The following C1QTNF7 variants were observed in gnomAD, a reference collection of about 807,000 sequenced individuals.
C1QTNF7 encodes C1q and TNF related 7, also known as complement C1q tumor necrosis factor-related protein 7.
A neutral mutation model predicts 19.6 loss-of-function variants in C1QTNF7; 15 were observed. The observed-to-expected ratio is 0.76, with a 90% CI of 0.51 to 1.18. C1QTNF7 has a LOEUF of 1.18. C1QTNF7 is among the 50% of genes most tolerant of loss of function. The pLI is 0.00. For synonymous variants in C1QTNF7, 142 were observed against 137.5 expected, an observed-to-expected ratio of 1.03 and a Z score of -0.23; for missense variants, 324 against 359.7, an observed-to-expected ratio of 0.90 and a Z score of 0.80.
intron 1 of C1QTNF7, among the ~76,000 whole-genome samples, chr4:15,394,610 T>G (rs1218182957): frequency 6.6e-6 from 1 of 152,352 alleles, no homozygotes; most frequent in African/African-American, 2.4e-5. Flanking sequence ...GATCTGTGTG[T>G]GGGGACTCCC....
At chr4:15,402,636 GATAA>G (rs1244666017) in intron 1 of C1QTNF7, among the ~76,000 whole-genome samples, 1 of 152,116 alleles carries the variant, frequency 6.6e-6, no homozygotes, top group Non-Finnish European at 1.5e-5. Context: ...CATGGCAGAA[GATAA>G]ATAAATATTG....
At chr4:15,405,941 A>C (rs569113638) in intron 1 of C1QTNF7, among the ~76,000 whole-genome samples, 7 of 152,074 alleles carry the variant, frequency 4.6e-5, no homozygotes, top group Non-Finnish European at 1.0e-4. Flanking sequence ...CTGTAGGAAG[A>C]GCTTGTCCCC....
intron 1 of C1QTNF7, among the ~76,000 whole-genome samples, chr4:15,389,307 T>C (rs1390703001): frequency 6.6e-6 from 1 of 152,174 alleles, no homozygotes; most frequent in Non-Finnish European, 1.5e-5. Context: ...AGGCAGGGCA[T>C]GCTGGTGAGG....
intron 1 of C1QTNF7, among the ~76,000 whole-genome samples, chr4:15,367,561 C>G (rs1717572678): frequency 6.6e-6 from 1 of 152,158 alleles, no homozygotes; most frequent in Non-Finnish European, 1.5e-5. Flanking sequence ...TCAGAGGGAC[C>G]AGGCTGATCC....
At chr4:15,377,721 A>G (rs1003916166) in intron 1 of C1QTNF7, among the ~76,000 whole-genome samples, 2 of 152,056 alleles carry the variant, frequency 1.3e-5, no homozygotes, top group African/African-American at 4.8e-5. Flanking sequence ...ACTGAAAATC[A>G]TTTCTTGTGA....
At chr4:15,374,853 TTCTC>T (rs201913423) in intron 1 of C1QTNF7, 41 of 580,410 alleles carry the variant, frequency 7.1e-5, no homozygotes, top group Non-Finnish European at 8.2e-5. Context: ...ATGTTGGTGT[TTCTC>T]TCTCTCTCTC....
chr4:15,439,610 C>T (rs1160598187), intron 2 of C1QTNF7, among the ~76,000 whole-genome samples: 2 of 152,146 alleles, frequency 1.3e-5, no homozygotes, highest in African/African-American at 4.8e-5. Context: ...AGAAATGACT[C>T]GCCCAAAATT....
chr4:15,396,099 A>C (rs370196023), intron 1 of C1QTNF7, among the ~76,000 whole-genome samples: 2 of 152,196 alleles, frequency 1.3e-5, no homozygotes, highest in African/African-American at 2.4e-5. Context: ...AAGTAAGTGG[A>C]TGTGGCTGAG....
intron 1 of C1QTNF7, among the ~76,000 whole-genome samples, chr4:15,352,689 A>G (rs1716979520): frequency 6.6e-6 from 1 of 152,210 alleles, no homozygotes; most frequent in African/African-American, 2.4e-5. Flanking sequence ...GACATGAATC[A>G]GAGAGTGCAG....
chr4:15,432,298 AC>A (rs1172521015), intron 1 of C1QTNF7, among the ~76,000 whole-genome samples: 29 of 152,292 alleles, frequency 1.9e-4, no homozygotes, highest in Middle Eastern at 6.8e-3. Context: ...TATAATGCAC[AC>A]CCCGTGGTCT....
intron 1 of C1QTNF7, among the ~76,000 whole-genome samples, chr4:15,353,091 G>A (rs1314153021): frequency 6.6e-6 from 1 of 152,170 alleles, no homozygotes; most frequent in Non-Finnish European, 1.5e-5. Flanking sequence ...TCTGCAGACT[G>A]TAGTTATTAG....
chr4:15,431,794 C>G (rs907035630), intron 1 of C1QTNF7, among the ~76,000 whole-genome samples: 2 of 152,024 alleles, frequency 1.3e-5, no homozygotes, highest in African/African-American at 4.8e-5. Context: ...AACAAAGATC[C>G]CTGCCCTCAT....
intron 1 of C1QTNF7, among the ~76,000 whole-genome samples, chr4:15,382,401 A>G (rs1434523345): frequency 8.9e-6 from 1 of 112,734 alleles, no homozygotes; most frequent in Non-Finnish European, 1.7e-5. Flanking sequence ...GCAAGATGAT[A>G]AAGCAAAAAA....
intron 1 of C1QTNF7, among the ~76,000 whole-genome samples, chr4:15,398,088 T>C (rs1718857166): frequency 2.6e-5 from 4 of 152,218 alleles, no homozygotes; most frequent in Admixed American, 2.6e-4. Flanking sequence ...TCATTCATTT[T>C]TTTCATTCAC....
At chr4:15,421,532 G>T (rs1189331483) in intron 1 of C1QTNF7, among the ~76,000 whole-genome samples, 2 of 151,046 alleles carry the variant, frequency 1.3e-5, no homozygotes. Flanking sequence ...CAGGCAACAG[G>T]GACTCATTTT....
intron 1 of C1QTNF7, among the ~76,000 whole-genome samples, chr4:15,370,927 C>T (rs1389698778): frequency 6.6e-6 from 1 of 152,234 alleles, no homozygotes; most frequent in African/African-American, 2.4e-5. Flanking sequence ...TTGTAACTCA[C>T]CAACAAAACT....
chr4:15,360,335 T>A (rs1717292379), intron 1 of C1QTNF7, among the ~76,000 whole-genome samples: 1 of 152,224 alleles, frequency 6.6e-6, no homozygotes, highest in South Asian at 2.1e-4. Context: ...AATAAAGAGT[T>A]AGGTTCATGA....
chr4:15,387,619 G>A (rs970709565), intron 1 of C1QTNF7, among the ~76,000 whole-genome samples: 1 of 152,166 alleles, frequency 6.6e-6, no homozygotes, highest in African/African-American at 2.4e-5. Flanking sequence ...GCCTGATGGG[G>A]TGGCTTTCAG....
At chr4:15,356,808 G>T (rs1458910291) in intron 1 of C1QTNF7, among the ~76,000 whole-genome samples, 1 of 152,106 alleles carries the variant, frequency 6.6e-6, no homozygotes, top group African/African-American at 2.4e-5. Context: ...GCGTGAGATG[G>T]TATCTCATTG....
Sources: allele counts gnomAD v4.1 joint callset (sites outside exome capture counted in the v4.1 genomes callset), GRCh38; gene constraint gnomAD v4.1.1; transcripts MANE v1.5; gene names NCBI Gene and HGNC (gene_info 2026-07-23, HGNC 2026-07-21).